Variants in MTA3 observed in about 807,000 individuals in gnomAD.
The protein encoded by MTA3 is metastasis associated 1 family member 3, also known as metastasis-associated protein MTA3.
A neutral mutation model predicts 83.5 loss-of-function variants in MTA3; 34 were observed. The ratio of observed to expected loss-of-function variants is 0.41; its 90% confidence interval spans 0.31 to 0.54. The LOEUF is 0.54. MTA3 is among the 20% of genes least tolerant of loss of function. The pLI is 0.33. For synonymous variants in MTA3, 303 were observed against 252.7 expected, an observed-to-expected ratio of 1.20 and a Z score of -1.89; for missense variants, 761 against 726.4, an observed-to-expected ratio of 1.05 and a Z score of -0.55.
At chr2:42,735,335 A>G (rs944362991) in intron 16 of MTA3, among the ~76,000 whole-genome samples, 1 of 152,130 alleles carries the variant, frequency 6.6e-6, no homozygotes, top group African/African-American at 2.4e-5. Flanking sequence ...GCTGCCAGAC[A>G]TATTGGATCT....
Position 42,594,728 on chromosome 2 carries a change from A to ATATATATATTTTTTTTTT in MTA3, c.191-14729_191-14728insATATATATTTTTTTTTTT. Reference sequence around the variant, plus strand: ...TACATATATATATATATATATATATATTTTTTTTTTTTTTTTGAGACAGAG... The same window carrying ATATATATATTTTTTTTTT: ...TACATATATATATATATATATATATATATATATATTTTTTTTTTTTTTTTTTTTTTTTTTGAGACAGAG... On this transcript the variant is annotated intron_variant, in intron 3 of 16. Transcript: ENST00000405094. Among the ~76,000 whole-genome samples the ATATATATATTTTTTTTTT allele has an allele frequency of 2.9e-3, 70 of 24,024 alleles. 1 individual carries two copies. The highest frequency in any genetic ancestry group is 3.8e-3 in the Non-Finnish European group (58 of 15,440). The allele number at this position is 24,024 out of a possible 152,430, so 15.8% of individuals were successfully genotyped here. A position where few individuals can be genotyped will look rare whatever the true frequency, so the allele number is the denominator to read the frequency against.
chr2:42,603,462 T>C (rs935629669), intron 3 of MTA3, among the ~76,000 whole-genome samples: 2 of 152,180 alleles, frequency 1.3e-5, no homozygotes, highest in African/African-American at 4.8e-5. Context: ...ATTACAGTAT[T>C]GGGCAGCTTT....
At chr2:42,553,870 C>CAAAAAAAAAAA (rs34637052) in intron 2 of MTA3, among the ~76,000 whole-genome samples, 5 of 90,232 alleles carry the variant, frequency 5.5e-5, no homozygotes, top group Non-Finnish European at 1.1e-4. Flanking sequence ...GACTCCATCT[C>CAAAAAAAAAAA]AAAAAAAAAA....
chr2:42,504,583 T>C (rs747552577), intron 2 of MTA3, among the ~76,000 whole-genome samples: 2 of 152,014 alleles, frequency 1.3e-5, no homozygotes, highest in Non-Finnish European at 2.9e-5. Flanking sequence ...CAGAGGGACA[T>C]GTCGCTCCTG....
At chr2:42,659,583 T>C (rs1689479844) in intron 7 of MTA3, 180 bp from the exon 8 acceptor site, 2 of 310,182 alleles carry the variant, frequency 6.4e-6, no homozygotes, top group East Asian at 1.1e-4. Context: ...GCTTGTCAAT[T>C]ATTATATCTT....
chr2:42,569,128 G>A (rs1443769484), intron 1 of MTA3, among the ~76,000 whole-genome samples: 1 of 151,986 alleles, frequency 6.6e-6, no homozygotes, highest in African/African-American at 2.4e-5. Flanking sequence ...GTGGCTTCTA[G>A]GCGCTGGAGA....
intron 8 of MTA3, among the ~76,000 whole-genome samples, chr2:42,680,524 G>T (rs1193119753): frequency 2.6e-5 from 4 of 152,226 alleles, no homozygotes; most frequent in Non-Finnish European, 5.9e-5. Flanking sequence ...GGGTGGGGGT[G>T]AGAGGTGGGG....
In MTA3 at chr2:42,682,839, G is replaced by A. The variant is rs564122982; in HGVS notation, c.891+250G>A. On this transcript the variant is annotated intron_variant, in intron 9 of 16. Coordinates refer to ENST00000405094, the MANE Select transcript of MTA3 (RefSeq NM_001330442.2). ...TGTAATTCCAGGACTTTGGGAGGCCGAGGTGGGTGAATCACAAGGTCAGGA... is the reference window on the plus strand; with the variant it reads ...TGTAATTCCAGGACTTTGGGAGGCCAAGGTGGGTGAATCACAAGGTCAGGA... 11 of 387,740 alleles carry A rather than the reference G, an allele frequency of 2.8e-5. No individual in the cohort carries two copies. In the East Asian group the frequency reaches 3.2e-4, roughly 11 times the overall value. The allele number at this position is 387,740 out of a possible 1,614,324, so 24.0% of individuals were successfully genotyped here. A position where few individuals can be genotyped will look rare whatever the true frequency, so the allele number is the denominator to read the frequency against.
At chr2:42,533,953 G>C (rs1401637919) in intron 2 of MTA3, among the ~76,000 whole-genome samples, 5 of 151,840 alleles carry the variant, frequency 3.3e-5, no homozygotes, top group African/African-American at 1.2e-4. Flanking sequence ...AGTTTAAGTT[G>C]CATCTCGTTC....
intron 6 of MTA3, among the ~76,000 whole-genome samples, chr2:42,648,544 A>T (rs1282677777): frequency 2.0e-5 from 3 of 152,178 alleles, no homozygotes; most frequent in African/African-American, 7.2e-5. Flanking sequence ...TTGTTGCAGC[A>T]TTTGTCTTGC....
rs1436773041 is a variant in MTA3, at chr2:42,755,621, A to T, written c.*2222A>T. ...CTGGAAACTGCCCCCTCGTTCTGACAGAATCCCCCAGGCAATGGAGGAAGG... is the reference window on the plus strand; with the variant it reads ...CTGGAAACTGCCCCCTCGTTCTGACTGAATCCCCCAGGCAATGGAGGAAGG... On this transcript the variant is annotated 3_prime_UTR_variant, in exon 17 of 17. Coordinates refer to ENST00000405094, the MANE Select transcript of MTA3 (RefSeq NM_001330442.2). The T allele has an allele frequency of 2.0e-6, 2 of 985,502 alleles. No individual in the cohort carries two copies. Among genetic ancestry groups the T allele is most frequent in the Non-Finnish European group, 2.4e-6 (2 of 830,070 alleles). 61.0% of individuals were successfully genotyped at this position (985,502 alleles called of 1,614,324 possible).
chr2:42,742,156 T>G (rs78042231), intron 16 of MTA3, among the ~76,000 whole-genome samples: 1 of 151,610 alleles, frequency 6.6e-6, no homozygotes, highest in African/African-American at 2.4e-5. Context: ...TTTTTTTTTT[T>G]GAGAAGCAGA....
At chr2:42,664,750 G>A (rs757946506) in intron 8 of MTA3, among the ~76,000 whole-genome samples, 1 of 152,058 alleles carries the variant, frequency 6.6e-6, no homozygotes, top group Non-Finnish European at 1.5e-5. Flanking sequence ...GCAGGGTTGT[G>A]GAACTGCTGA....
chr2:42,572,625 C>G (rs953186288), intron 2 of MTA3, among the ~76,000 whole-genome samples: 5 of 152,164 alleles, frequency 3.3e-5, no homozygotes, highest in Non-Finnish European at 5.9e-5. Flanking sequence ...AGCTTTGTAC[C>G]TTTGGCCCAA....
chr2:42,656,479 T>C lies in MTA3; in HGVS notation c.602+177T>C, dbSNP rs1689182378. On this transcript the variant is annotated intron_variant, in intron 7 of 16. Coordinates refer to ENST00000405094, the MANE Select transcript of MTA3 (RefSeq NM_001330442.2). ...CTTCCTAATTTTATTAATTTCTGTT[T>C]TAAATGAAAATAGTTGTATTAATTT... 2.0e-5 allele frequency among the ~76,000 whole-genome samples: 3 copies of C among 152,190 alleles called. No homozygotes were observed. The South Asian group carries it at 6.2e-4, about 32-fold the overall frequency.
chr2:42,643,765 C>G (rs1287906354), intron 5 of MTA3, among the ~76,000 whole-genome samples: 1 of 152,122 alleles, frequency 6.6e-6, no homozygotes, highest in Non-Finnish European at 1.5e-5. Flanking sequence ...TTGGTGTGGA[C>G]TTCAGAAGTT....
intron 4 of MTA3, among the ~76,000 whole-genome samples, chr2:42,612,746 A>G (rs1358648512): frequency 6.6e-6 from 1 of 152,126 alleles, no homozygotes; most frequent in Admixed American, 6.5e-5. Flanking sequence ...CTGTAATCCC[A>G]GCTACTCTGG....
chr2:42,560,174 C>T (rs1046603755), intron 2 of MTA3, among the ~76,000 whole-genome samples: 35 of 152,120 alleles, frequency 2.3e-4, no homozygotes, highest in African/African-American at 8.4e-4. Flanking sequence ...AGGTGCACGC[C>T]ACCACGCCCG....
intron 1 of MTA3, 24 bp from the exon 2 acceptor site, chr2:42,570,413 G>T: frequency 7.1e-7 from 1 of 1,417,802 alleles, no homozygotes; most frequent in Non-Finnish European, 9.7e-7. Context: ...AAAAGATTAA[G>T]TTCTGTACTT....
Sources: allele counts gnomAD v4.1 joint callset (sites outside exome capture counted in the v4.1 genomes callset), GRCh38; gene constraint gnomAD v4.1.1; transcripts MANE v1.5; gene names NCBI Gene and HGNC (gene_info 2026-07-23, HGNC 2026-07-21).